The following CSMD1 variants were observed in gnomAD, a reference collection of about 807,000 sequenced individuals.
The protein encoded by CSMD1 is CUB and Sushi multiple domains 1, also known as CUB and sushi domain-containing protein 1.
CSMD1 carries 213 observed loss-of-function variants against 417.5 expected under a neutral mutation model. That is an observed-to-expected ratio of 0.51 (90% CI 0.46 to 0.57). CSMD1 has a LOEUF of 0.57. CSMD1 is among the 20% of genes least tolerant of loss of function. The pLI is 0.00. For synonymous variants in CSMD1, 2,862 were observed against 1,736.8 expected (o/e 1.65, Z -16.11); for missense variants, 6,923 against 4,529.7 (o/e 1.53, Z -15.17).
At chr8:3,255,061 C>T (rs890595940) in intron 26 of CSMD1, among the ~76,000 whole-genome samples, 9 of 152,156 alleles carry the variant, frequency 5.9e-5, no homozygotes, top group East Asian at 3.9e-4. Context: ...TGTGGATGTC[C>T]TTCCTGTTTG....
At chr8:4,670,755 A>G (rs1005865428) in intron 1 of CSMD1, among the ~76,000 whole-genome samples, 3 of 152,218 alleles carry the variant, frequency 2.0e-5, no homozygotes, top group Non-Finnish European at 4.4e-5. Context: ...GAGAAATACA[A>G]GTACACAAAA....
chr8:4,096,209 C>G (rs973369921), intron 3 of CSMD1, among the ~76,000 whole-genome samples: 2 of 152,080 alleles, frequency 1.3e-5, no homozygotes, highest in Non-Finnish European at 2.9e-5. Flanking sequence ...AGATGAAACT[C>G]TTAATAATTA....
At chr8:3,309,108 C>G (rs953520114) in intron 23 of CSMD1, among the ~76,000 whole-genome samples, 5 of 151,900 alleles carry the variant, frequency 3.3e-5, no homozygotes, top group Non-Finnish European at 5.9e-5. Context: ...CTGGTGAGCC[C>G]CAATGCCCTC....
intron 37 of CSMD1, among the ~76,000 whole-genome samples, chr8:3,169,278 G>A (rs750054332): frequency 6.6e-6 from 1 of 152,094 alleles, no homozygotes; most frequent in African/African-American, 2.4e-5. Flanking sequence ...CTTTGGATTT[G>A]GCATTGATTT....
intron 1 of CSMD1, among the ~76,000 whole-genome samples, chr8:4,758,544 C>T (rs916094579): frequency 1.6e-4 from 24 of 152,260 alleles, no homozygotes; most frequent in Non-Finnish European, 1.0e-4. Context: ...GAGGCAGAAA[C>T]GTCAGTGTAT....
chr8:3,090,674 T>C (rs1411988850), intron 48 of CSMD1, among the ~76,000 whole-genome samples: 2 of 152,194 alleles, frequency 1.3e-5, no homozygotes, highest in African/African-American at 4.8e-5. Flanking sequence ...CAGCACATAT[T>C]GTTCACTTCC....
chr8:4,809,183 G>T (rs1406682075), intron 1 of CSMD1, among the ~76,000 whole-genome samples: 1 of 152,114 alleles, frequency 6.6e-6, no homozygotes, highest in Non-Finnish European at 1.5e-5. Context: ...TACACGTCTT[G>T]ATATCATCTG....
At chr8:3,157,659 T>C (rs1819616019) in intron 39 of CSMD1, among the ~76,000 whole-genome samples, 1 of 152,248 alleles carries the variant, frequency 6.6e-6, no homozygotes, top group Non-Finnish European at 1.5e-5. Flanking sequence ...GCGGGCAGTC[T>C]TGCCTCTGGT....
chr8:3,302,298 T>G (rs762768826), intron 25 of CSMD1, among the ~76,000 whole-genome samples: 1 of 152,190 alleles, frequency 6.6e-6, no homozygotes, highest in Admixed American at 6.5e-5. Flanking sequence ...AATGTTTTTT[T>G]CTGGAGTCAC....
At chr8:4,269,319 C>T (rs1330387275) in intron 3 of CSMD1, among the ~76,000 whole-genome samples, 1 of 152,118 alleles carries the variant, frequency 6.6e-6, no homozygotes, top group African/African-American at 2.4e-5. Flanking sequence ...CCGCACTGGC[C>T]TCCCCCAAAG....
At chr8:3,181,619 C>T (rs970608519) in intron 36 of CSMD1, among the ~76,000 whole-genome samples, 18 of 152,280 alleles carry the variant, frequency 1.2e-4, no homozygotes, top group Admixed American at 1.2e-3. Context: ...GGATAGTGAT[C>T]TGACATATCC....
At chr8:4,032,139 A>G (rs1409054929) in intron 3 of CSMD1, 40 bp from the exon 4 acceptor site, 1 of 1,511,628 alleles carries the variant, frequency 6.6e-7, no homozygotes. Context: ...AACAAGTTAA[A>G]TTTTCCATGG....
intron 5 of CSMD1, among the ~76,000 whole-genome samples, chr8:3,868,509 C>T (rs184510814): frequency 1.3e-5 from 2 of 152,196 alleles, no homozygotes; most frequent in South Asian, 4.1e-4. Flanking sequence ...AGAACACTTA[C>T]CAACACCACC....
At chr8:4,117,855 A>G (rs1802248150) in intron 3 of CSMD1, among the ~76,000 whole-genome samples, 1 of 151,980 alleles carries the variant, frequency 6.6e-6, no homozygotes, top group Non-Finnish European at 1.5e-5. Flanking sequence ...AAAGACAGAG[A>G]CTCAGGGCAT....
intron 10 of CSMD1, among the ~76,000 whole-genome samples, chr8:3,527,522 T>C (rs1042098787): frequency 3.3e-5 from 5 of 152,076 alleles, no homozygotes; most frequent in African/African-American, 9.7e-5. Flanking sequence ...GGGAGCTGGG[T>C]GGTATCTCGA....
At chr8:4,108,452 G>T (rs184102168) in intron 3 of CSMD1, among the ~76,000 whole-genome samples, 2 of 152,226 alleles carry the variant, frequency 1.3e-5, no homozygotes, top group East Asian at 1.9e-4. Flanking sequence ...GCTCATGAAG[G>T]GCTCTGCTTT....
Position 3,304,730 on chromosome 8 carries a change from CTTTTTAAT to C in CSMD1, c.3950+2957_3950+2964del, listed in dbSNP as rs1195415219. 1.9e-4 allele frequency among the ~76,000 whole-genome samples: 29 copies of C among 151,732 alleles called. No homozygotes were observed. The East Asian group carries it at 5.1e-3, about 26-fold the overall frequency. On this transcript the variant is annotated intron_variant, in intron 25 of 69. Transcript: ENST00000635120. ...TATTCAAATATTTTTTTATTTTTCT[CTTTTTAAT>C]TTTTTTTATTAAAATGTTAACAAAG...
At chr8:3,266,673 G>T (rs189686945) in intron 26 of CSMD1, among the ~76,000 whole-genome samples, 8 of 150,626 alleles carry the variant, frequency 5.3e-5, no homozygotes, top group Non-Finnish European at 4.4e-5. Flanking sequence ...TACTCAGGAG[G>T]CTAAGGCAGG....
intron 3 of CSMD1, among the ~76,000 whole-genome samples, chr8:4,169,177 C>G (rs1797624177): frequency 1.3e-5 from 2 of 152,146 alleles, no homozygotes; most frequent in South Asian, 4.1e-4. Context: ...TCTACGGTTT[C>G]AGAATGTTAA....
Sources: gnomAD v4.1 joint callset for allele counts (sites outside exome capture counted in the v4.1 genomes callset) on GRCh38, gnomAD v4.1.1 for gene constraint, MANE v1.5 for transcripts, NCBI Gene and HGNC (gene_info 2026-07-23, HGNC 2026-07-21) for gene names.